The following ENAM variants were observed in gnomAD, a reference collection of about 807,000 sequenced individuals.
ENAM encodes enamelin.
Under a neutral mutation model 33.6 loss-of-function variants are expected in ENAM, and 21 were observed. The observed-to-expected ratio is 0.63, with a 90% CI of 0.44 to 0.90. The LOEUF (loss-of-function observed/expected upper bound fraction) is 0.90. ENAM is among the 40% of genes least tolerant of loss of function. ENAM has a pLI of 0.00. For synonymous variants in ENAM, 473 were observed against 468.4 expected (o/e 1.01, Z -0.13); for missense variants, 1,388 against 1,366.9 (o/e 1.02, Z -0.24).
intron 2 of ENAM, 150 bp downstream of exon 2, chr4:70,629,704 C>G (rs1383680750): frequency 1.3e-6 from 1 of 754,520 alleles, no homozygotes; most frequent in Non-Finnish European, 2.4e-6. Context: ...GAAGAACTTA[C>G]ACAGTCATTG....
chr4:70,640,943 A>G (rs1738580370), intron 8 of ENAM, among the ~76,000 whole-genome samples: 1 of 152,244 alleles, frequency 6.6e-6, no homozygotes, highest in African/African-American at 2.4e-5. Context: ...ACGGCAGTGC[A>G]GAAGCAAGAT....
At chr4:70,641,130 T>C (rs1000185100) in intron 8 of ENAM, among the ~76,000 whole-genome samples, 9 of 152,100 alleles carry the variant, frequency 5.9e-5, no homozygotes, top group Non-Finnish European at 1.2e-4. Context: ...GTACAGATAG[T>C]GGTGAATGTT....
chr4:70,629,981 A>G (rs894586927), intron 2 of ENAM, among the ~76,000 whole-genome samples: 2 of 152,176 alleles, frequency 1.3e-5, no homozygotes, highest in Non-Finnish European at 2.9e-5. Flanking sequence ...ATCTTGGGCC[A>G]TAATCTTAGA....
chr4:70,641,393 A>ATTT (rs1301672853), intron 8 of ENAM, among the ~76,000 whole-genome samples: 4 of 141,804 alleles, frequency 2.8e-5, no homozygotes, highest in Admixed American at 7.0e-5. Context: ...TTATTTATTT[A>ATTT]TTTATTTTTT....
intron 8 of ENAM, among the ~76,000 whole-genome samples, chr4:70,639,815 G>C (rs1387506347): frequency 6.6e-6 from 1 of 152,074 alleles, no homozygotes; most frequent in Admixed American, 6.6e-5. Context: ...CTTTAGCCTG[G>C]GAATTCAAGG....
At chr4:70,638,640 T>C (rs1007158093) in intron 8 of ENAM, among the ~76,000 whole-genome samples, 1 of 151,520 alleles carries the variant, frequency 6.6e-6, no homozygotes, top group Non-Finnish European at 1.5e-5. Context: ...TATGTATATA[T>C]ACATTTTGTA....
rs139722907 is a variant in ENAM at position 70,637,395 on chromosome 4, A to G, written c.535-395A>G. Among the ~76,000 whole-genome samples the G allele has an allele frequency of 5.3e-5, 8 of 152,286 alleles. No individual in the cohort carries two copies. In the East Asian group the frequency reaches 9.6e-4, roughly 18 times the overall value. ...AATCTCTATTATTAGATGTTCTAAT[A>G]TGGATACTTGGATTCTAACAGCACT... On this transcript the variant is annotated intron_variant, in intron 7 of 8. Coordinates refer to ENST00000396073, the MANE Select transcript of ENAM (RefSeq NM_031889.3).
chr4:70,643,602 G>A lies in ENAM; in HGVS notation c.2176G>A (p.Glu726Lys). The stretch of plus-strand genomic sequence containing the variant: ...TGAATTTTACCCATGGAGCCCGGAT[G>A]AGAATTTTCCATCATATAATACAGC... The part of the protein sequence containing the change: ...YSEFYPWSPD[E>K]NFPSYNTAST... The change falls in exon 9 of 9, where the codon GAG becomes AAG. Residue 726 changes from glutamate to lysine, a missense_variant. Physicochemically the swap from Glu to Lys is moderately conservative, Grantham distance 56. Coordinates refer to ENST00000396073, the MANE Select transcript of ENAM (RefSeq NM_031889.3). The A allele has an allele frequency of 6.2e-7, 1 of 1,614,092 alleles. No homozygotes were observed.
rs1465874561 is a variant in ENAM at position 70,635,879 on chromosome 4, A to G, written c.519A>G (p.Pro173=). The G allele has an allele frequency of 2.5e-6, 4 of 1,604,874 alleles. No homozygotes were observed. In the Admixed American group the frequency reaches 5.0e-5, roughly 20 times the overall value. The change falls in exon 7 of 9, where the codon CCA becomes CCG. Residue 173 remains proline, a synonymous_variant. Transcript: ENST00000396073. ...GGCTATTCCCCTATCAACAACCACC[A>G]TGGCAAATTCCACAGGTGAGAAATT... The part of the protein sequence containing the change: ...GNGLFPYQQP[P]WQIPQRLPPP...
rs200947570 is a variant in ENAM, at chr4:70,637,814, C to T, written c.559C>T (p.Arg187Cys). The T allele has an allele frequency of 4.6e-5, 74 of 1,613,556 alleles. No homozygotes were observed. Among genetic ancestry groups the T allele is most frequent in the Middle Eastern group, 1.6e-4 (1 of 6,062 alleles). Reference protein sequence around the residue: ...PQRLPPPGYGRPPISNEEGGN... With the variant: ...PQRLPPPGYGCPPISNEEGGN... ...GAGGTTACCACCACCAGGTTATGGACGCCCACCAATCAGCAATGAAGAAGG... is the reference window on the plus strand; with the variant it reads ...GAGGTTACCACCACCAGGTTATGGATGCCCACCAATCAGCAATGAAGAAGG... Residue 187 changes from arginine (R) to cysteine (C), a missense_variant, in exon 8 of 9, where the codon CGC (arginine) becomes TGC (cysteine). Coordinates refer to ENST00000396073, the MANE Select transcript of ENAM (RefSeq NM_031889.3).
rs1207601536 is a variant in ENAM at position 70,644,861 on chromosome 4, A to G, written c.*6A>G. On this transcript the variant is annotated 3_prime_UTR_variant, in exon 9 of 9. Coordinates refer to ENST00000396073, the MANE Select transcript of ENAM (RefSeq NM_031889.3). Reference sequence around the variant, plus strand: ...GCTTACTACTTCAGGCCTAGGGGTTATCCAACCAAGCATTCTTGGGGAAAG... The same window carrying G: ...GCTTACTACTTCAGGCCTAGGGGTTGTCCAACCAAGCATTCTTGGGGAAAG... The G allele has an allele frequency of 6.2e-7, 1 of 1,611,726 alleles. No homozygotes were observed. The highest frequency in any genetic ancestry group is 1.7e-5 in the Admixed American group (1 of 60,002).
intron 4 of ENAM, among the ~76,000 whole-genome samples, 177 bp downstream of exon 4, chr4:70,632,070 C>T (rs1423279374): frequency 6.6e-6 from 1 of 152,126 alleles, no homozygotes; most frequent in East Asian, 1.9e-4. Flanking sequence ...TTTCCCCAGC[C>T]ATCAGCCTAC....
intron 7 of ENAM, among the ~76,000 whole-genome samples, chr4:70,636,729 A>G (rs1219548410): frequency 6.6e-6 from 1 of 151,974 alleles, no homozygotes; most frequent in African/African-American, 2.4e-5. Flanking sequence ...AGATCGTGCC[A>G]TTGCACTCCA....
Position 70,644,015 on chromosome 4 carries a change from A to C in ENAM, c.2589A>C (p.Ala863=). 1 of 1,614,166 alleles carries C rather than the reference A, an allele frequency of 6.2e-7. No individual in the cohort carries two copies. The highest frequency in any genetic ancestry group is 2.2e-5 in the East Asian group (1 of 44,888). The change falls in exon 9 of 9, where the codon GCA becomes GCC. Residue 863 remains alanine (A), a synonymous_variant. Coordinates refer to ENST00000396073, the MANE Select transcript of ENAM (RefSeq NM_031889.3). ...PPSYPSGQKE[A]HLFHLSQRGS... ...GTTACCCATCAGGTCAAAAAGAAGC[A>C]CATTTATTTCACCTAAGCCAGAGAG...
chr4:70,629,015 A>G, intron 1 of ENAM, 51 bp downstream of exon 1: 1 of 162,244 alleles, frequency 6.2e-6, no homozygotes, highest in Non-Finnish European at 1.4e-5. Context: ...CAAATAATGA[A>G]TTTAATTCAT....
chr4:70,637,822 A>T lies in ENAM; in HGVS notation c.567A>T (p.Pro189=). Residue 189 remains proline (P), a synonymous_variant, in exon 8 of 9, where the codon CCA becomes CCT. Coordinates refer to ENST00000396073, the MANE Select transcript of ENAM (RefSeq NM_031889.3). ...RLPPPGYGRP[P]ISNEEGGNPY... Reference sequence around the variant, plus strand: ...CACCACCAGGTTATGGACGCCCACCAATCAGCAATGAAGAAGGGGGGGTAA... The same window carrying T: ...CACCACCAGGTTATGGACGCCCACCTATCAGCAATGAAGAAGGGGGGGTAA... 1 of 1,613,550 alleles carries T rather than the reference A, an allele frequency of 6.2e-7. No homozygotes were observed. Among genetic ancestry groups the T allele is most frequent in the Non-Finnish European group, 8.5e-7 (1 of 1,179,488 alleles).
chr4:70,637,900 T>C, intron 8 of ENAM, 57 bp downstream of exon 8: 2 of 1,254,386 alleles, frequency 1.6e-6, no homozygotes, highest in Non-Finnish European at 2.3e-6. Context: ...TCGCCCCTGC[T>C]TTTTTATCCA....
At position 70,643,244 on chromosome 4, in the gene ENAM, T is replaced by G; in HGVS notation, c.1818T>G (p.Tyr606Ter). The G allele has an allele frequency of 6.2e-7, 1 of 1,613,872 alleles. No homozygotes were observed. Among genetic ancestry groups the G allele is most frequent in the East Asian group, 2.2e-5 (1 of 44,844 alleles). Residue 606 changes from tyrosine (Y) to a stop codon, truncating the protein, a stop_gained, in exon 9 of 9, where the codon TAT (tyrosine) becomes TAG (stop). Coordinates refer to ENST00000396073, the MANE Select transcript of ENAM (RefSeq NM_031889.3). LOFTEE classifies it low-confidence loss of function (END_TRUNC). ...TTTTCTACCCTGAATATAACCCATATGATCCCAGGGAAAACTCACCATACC... is the reference window on the plus strand; with the variant it reads ...TTTTCTACCCTGAATATAACCCATAGGATCCCAGGGAAAACTCACCATACC... ...GSVFYPEYNP[Y>*]DPRENSPYLR... is the part of the protein sequence containing the mutation.
Position 70,642,822 on chromosome 4 carries a change from G to A in ENAM, c.1396G>A (p.Val466Ile), listed in dbSNP as rs148712673. 6,025 of 1,613,964 alleles carry A rather than the reference G, an allele frequency of 3.7e-3. 13 individuals carry two copies. The highest frequency in any genetic ancestry group is 3.9e-3 in the Non-Finnish European group (4,589 of 1,179,936). The change falls in exon 9 of 9, where the codon GTT (valine) becomes ATT (isoleucine). Residue 466 changes from valine (V) to isoleucine (I), a missense_variant. Coordinates refer to ENST00000396073, the MANE Select transcript of ENAM (RefSeq NM_031889.3). ...CTGGAGAAACTCTCAACAGTATGAA[G>A]TTAATAAATCAAATTATAAACTGCC... The part of the protein sequence containing the change: ...SPWRNSQQYE[V>I]NKSNYKLPHS...
Sources: allele counts gnomAD v4.1 joint callset (sites outside exome capture counted in the v4.1 genomes callset), GRCh38; gene constraint gnomAD v4.1.1; transcripts MANE v1.5; gene names NCBI Gene and HGNC (gene_info 2026-07-23, HGNC 2026-07-21).